Variants in ATR observed in about 807,000 individuals in gnomAD.
ATR encodes the protein ATR checkpoint kinase.
ATR carries 142 observed loss-of-function variants against 305.3 expected under a neutral mutation model. The observed-to-expected ratio is 0.47, with a 90% CI of 0.41 to 0.53. ATR has a LOEUF of 0.53. Among genes scored for constraint, ATR ranks in the 20% least tolerant of loss-of-function variants. The pLI, the probability that ATR is intolerant of heterozygous loss-of-function variation, is 0.00. For synonymous variants in ATR, 1,050 were observed against 1,068.1 expected, an observed-to-expected ratio of 0.98 and a Z score of 0.33; for missense variants, 2,135 against 3,133.1, an observed-to-expected ratio of 0.68 and a Z score of 7.60.
At chr3:142,556,677 T>C (rs2034686170) in intron 8 of ATR, 102 bp from the exon 9 acceptor site, 3 of 1,102,488 alleles carry the variant, frequency 2.7e-6, no homozygotes, top group Non-Finnish European at 3.9e-6. Context: ...TATACATATA[T>C]ATAAATAAAA....
chr3:142,515,361 C>G, intron 25 of ATR, 34 bp downstream of exon 25: 1 of 1,612,324 alleles, frequency 6.2e-7, no homozygotes, highest in Non-Finnish European at 8.5e-7. Flanking sequence ...TTTAGAATTT[C>G]CATTCAGTTA....
In ATR at chr3:142,542,857, C is replaced by T. The variant is rs555341529; in HGVS notation, c.3358-100G>A. 23 of 976,984 alleles carry T rather than the reference C, an allele frequency of 2.4e-5. No individual in the cohort carries two copies. In the African/African-American group the frequency reaches 3.8e-4, roughly 16 times the overall value. The allele number at this position is 976,984 out of a possible 1,614,324, so 60.5% of individuals were successfully genotyped here. A position where few individuals can be genotyped will look rare whatever the true frequency, so the allele number is the denominator to read the frequency against. ...TTAATGTCATTTATATTTTACCTAA[C>T]TAGATTAGCATATTAGAAATAAACA... On this transcript the variant is annotated intron_variant, in intron 16 of 46. Transcript: ENST00000350721.
intron 5 of ATR, 86 bp from the exon 6 acceptor site, chr3:142,560,540 A>G (rs528877245): frequency 2.3e-6 from 3 of 1,322,360 alleles, no homozygotes; most frequent in Non-Finnish European, 3.2e-6. Flanking sequence ...AAAACATACT[A>G]TGTAATATCA....
chr3:142,555,907 TCAGTAG>T lies in ATR; in HGVS notation c.2305_2310del (p.Leu769_Leu770del). ...TTTACTGGACTAGGTATTTTTTTTTTCAGTAGGAAAAGGAATGGCTTGCAGACAGAA... is the reference window on the plus strand; with the variant it reads ...TTTACTGGACTAGGTATTTTTTTTTTGAAAAGGAATGGCTTGCAGACAGAA... On this transcript the variant is annotated inframe_deletion, in exon 10 of 47. Coordinates refer to ENST00000350721, the MANE Select transcript of ATR (RefSeq NM_001184.4). 2 of 1,610,154 alleles carry T rather than the reference TCAGTAG, an allele frequency of 1.2e-6. No individual in the cohort carries two copies. The highest frequency in any genetic ancestry group is 1.7e-5 in the Admixed American group (1 of 59,050).
intron 42 of ATR, 48 bp downstream of exon 42, chr3:142,461,892 T>C: frequency 6.4e-7 from 1 of 1,569,840 alleles, no homozygotes; most frequent in Non-Finnish European, 8.8e-7. Flanking sequence ...ACCCATATTA[T>C]ATAACTTAGT....
At chr3:142,495,508 G>T (rs2031532013) in intron 34 of ATR, among the ~76,000 whole-genome samples, 1 of 152,148 alleles carries the variant, frequency 6.6e-6, no homozygotes, top group Non-Finnish European at 1.5e-5. Flanking sequence ...ACTTTGGGTG[G>T]CTGAGGCAGG....
intron 44 of ATR, among the ~76,000 whole-genome samples, chr3:142,457,971 A>G (rs2070942663): frequency 6.6e-6 from 1 of 152,218 alleles, no homozygotes; most frequent in Non-Finnish European, 1.5e-5. Context: ...GATAAGATCT[A>G]GGAGATAAGT....
chr3:142,524,333 T>A (rs2033281140), intron 21 of ATR, 134 bp from the exon 22 acceptor site: 1 of 841,570 alleles, frequency 1.2e-6, no homozygotes, highest in African/African-American at 1.7e-5. Context: ...TATCTGCAAT[T>A]TTTTCAGCTA....
In ATR at chr3:142,561,251, C is replaced by G. The variant is rs747132973; in HGVS notation, c.1341G>C (p.Gln447His). Residue 447 changes from glutamine (Q) to histidine (H), a missense_variant, in exon 5 of 47, where the codon CAG becomes CAC. Physicochemically the swap from Gln to His is conservative, Grantham distance 24. Coordinates refer to ENST00000350721, the MANE Select transcript of ATR (RefSeq NM_001184.4). Reference sequence around the variant, plus strand: ...AATGAAGGTCATCATACTCCTCAGTCTGTTTTGGTGCTCTTTTAGAAGGGT... The same window carrying G: ...AATGAAGGTCATCATACTCCTCAGTGTGTTTTGGTGCTCTTTTAGAAGGGT... ...SLNPSKRAPK[Q>H]TEEIKHVDMN... The G allele has an allele frequency of 1.6e-5, 26 of 1,613,568 alleles. 1 individual carries two copies. The highest frequency in any genetic ancestry group is 3.3e-4 in the Middle Eastern group (2 of 6,082).
At chr3:142,569,723 T>G (rs955200660) in intron 1 of ATR, among the ~76,000 whole-genome samples, 2 of 152,130 alleles carry the variant, frequency 1.3e-5, no homozygotes, top group African/African-American at 4.8e-5. Flanking sequence ...CTCAACTCAC[T>G]GCAACCTCTG....
intron 45 of ATR, among the ~76,000 whole-genome samples, chr3:142,457,030 A>G (rs1301829234): frequency 6.6e-6 from 1 of 152,244 alleles, no homozygotes; most frequent in Admixed American, 6.5e-5. Context: ...TTTATAATAC[A>G]CAAAAGGTGG....
At chr3:142,577,180 T>C (rs1210702953) in intron 1 of ATR, among the ~76,000 whole-genome samples, 1 of 152,170 alleles carries the variant, frequency 6.6e-6, no homozygotes, top group Non-Finnish European at 1.5e-5. Flanking sequence ...TGTGGGTCAG[T>C]TTTTCTATTC....
chr3:142,505,014 A>G, intron 29 of ATR, 125 bp downstream of exon 29: 1 of 1,213,154 alleles, frequency 8.2e-7, no homozygotes, highest in South Asian at 1.3e-5. Context: ...ACTGCACTCC[A>G]GCCTGGCCAA....
intron 40 of ATR, 81 bp from the exon 41 acceptor site, chr3:142,465,321 TAA>T (rs78538255): frequency 4.6e-3 from 3,786 of 820,742 alleles, no homozygotes; most frequent in South Asian, 7.3e-3. Context: ...TTGAGTTATG[TAA>T]AAAAAAAAAA....
In ATR at chr3:142,547,790, CA is replaced by C; in HGVS notation, c.3291del (p.Ala1098ProfsTer21). 3 of 1,613,950 alleles carry C rather than the reference CA, an allele frequency of 1.9e-6. No homozygotes were observed. The highest frequency in any genetic ancestry group is 2.5e-6 in the Non-Finnish European group (3 of 1,179,912). The stretch of plus-strand genomic sequence containing the variant: ...GGATCATCACTGGATGCAAATGAGG[CA>C]AGTATTGACAAACCATTAAAAACCT... ...YQQVFNGLSI[L>X]ASFASSDDPY... is the part of the protein sequence containing the mutation. On this transcript the variant is annotated frameshift_variant, in exon 16 of 47. Coordinates refer to ENST00000350721, the MANE Select transcript of ATR (RefSeq NM_001184.4). LOFTEE classifies it high-confidence loss of function.
intron 46 of ATR, chr3:142,451,333 CA>C: frequency 7.7e-7 from 1 of 1,294,344 alleles, no homozygotes; most frequent in Non-Finnish European, 1.0e-6. Flanking sequence ...AGTGTTGCAA[CA>C]AAAAATTTTC....
intron 23 of ATR, among the ~76,000 whole-genome samples, chr3:142,522,170 A>T (rs535796484): frequency 3.3e-4 from 51 of 152,350 alleles, no homozygotes; most frequent in Non-Finnish European, 5.9e-4. Flanking sequence ...GGCTCAGAAG[A>T]TGGTTAGCAT....
intron 42 of ATR, among the ~76,000 whole-genome samples, chr3:142,461,597 A>G (rs1559907687): frequency 6.6e-6 from 1 of 152,162 alleles, no homozygotes; most frequent in East Asian, 1.9e-4. Context: ...ACTGGCTCTC[A>G]TTATACAACA....
rs1338334670 is a variant in ATR, at chr3:142,566,030, A to G, written c.292+91T>C. 3.2e-6 allele frequency: 5 copies of G among 1,565,534 alleles called. No individual in the cohort carries two copies. The East Asian group carries it at 6.7e-5, about 21-fold the overall frequency. ...TATAGCAAAGCTGACCCAAAAAAGT[A>G]TAATCCTGTACATGTAATATTTCAG... On this transcript the variant is annotated intron_variant, in intron 3 of 46. Coordinates refer to ENST00000350721, the MANE Select transcript of ATR (RefSeq NM_001184.4).
Sources: gnomAD v4.1 joint callset for allele counts (sites outside exome capture counted in the v4.1 genomes callset) on GRCh38, gnomAD v4.1.1 for gene constraint, MANE v1.5 for transcripts, NCBI Gene and HGNC (gene_info 2026-07-23, HGNC 2026-07-21) for gene names.